The following PCDHA9 variants were observed in gnomAD, a reference collection of about 807,000 sequenced individuals.
PCDHA9 encodes the protein protocadherin alpha-9.
Under a neutral mutation model 62.0 loss-of-function variants are expected in PCDHA9, and 62 were observed. That is an observed-to-expected ratio of 1.00 (90% CI 0.81 to 1.23). The LOEUF (loss-of-function observed/expected upper bound fraction) is 1.23. PCDHA9 is among the 50% of genes most tolerant of loss of function. The pLI, the probability that PCDHA9 is intolerant of heterozygous loss-of-function variation, is 0.00. For missense variants in PCDHA9, 1,205 were observed against 1,249.8 expected, an observed-to-expected ratio of 0.96 and a Z score of 0.54; for synonymous variants, 557 against 567.6, an observed-to-expected ratio of 0.98 and a Z score of 0.27.
At chr5:140,925,932 A>G (rs1202634955) in intron 1 of PCDHA9, among the ~76,000 whole-genome samples, 1 of 150,196 alleles carries the variant, frequency 6.7e-6, no homozygotes, top group African/African-American at 2.5e-5. Flanking sequence ...TCCCAAGTAG[A>G]GCCTCTTGGA....
chr5:140,872,817 T>G (rs1316271424), intron 1 of PCDHA9, among the ~76,000 whole-genome samples: 1 of 152,214 alleles, frequency 6.6e-6, no homozygotes, highest in African/African-American at 2.4e-5. Context: ...TTTTTCAGAT[T>G]CATCTAGCAG....
chr5:140,967,831 C>T (rs2153762943), intron 1 of PCDHA9: 1 of 1,614,130 alleles, frequency 6.2e-7, no homozygotes, highest in Admixed American at 1.7e-5. Flanking sequence ...TGGTGGACAT[C>T]GTGGACGTGA....
intron 1 of PCDHA9, among the ~76,000 whole-genome samples, chr5:140,962,168 C>A (rs1207333516): frequency 1.3e-5 from 2 of 152,152 alleles, no homozygotes; most frequent in African/African-American, 4.8e-5. Flanking sequence ...AGCCACCACA[C>A]CCGGCCACTT....
intron 1 of PCDHA9, chr5:140,884,355 T>A (rs1562803326): frequency 1.9e-6 from 3 of 1,613,922 alleles, no homozygotes; most frequent in East Asian, 2.2e-5. Context: ...CTGGTGGATG[T>A]CAATGTTTAC....
At chr5:140,863,310 G>A (rs2047937786) in intron 1 of PCDHA9, 2 of 1,463,012 alleles carry the variant, frequency 1.4e-6, no homozygotes, top group Non-Finnish European at 1.9e-6. Context: ...CCATCTGCGT[G>A]GTGTCCAGCC....
chr5:140,980,699 A>G (rs1183109723), intron 2 of PCDHA9, among the ~76,000 whole-genome samples: 1 of 152,186 alleles, frequency 6.6e-6, no homozygotes, highest in African/African-American at 2.4e-5. Flanking sequence ...AAAAAAGCCA[A>G]ATGTGCTCCT....
chr5:140,934,534 GTTCTAA>G (rs1488792046), intron 1 of PCDHA9, among the ~76,000 whole-genome samples: 7 of 152,064 alleles, frequency 4.6e-5, no homozygotes, highest in Non-Finnish European at 7.4e-5. Flanking sequence ...GAGAGCTACC[GTTCTAA>G]TTCTATCATT....
intron 2 of PCDHA9, among the ~76,000 whole-genome samples, chr5:140,981,613 G>C (rs1279038280): frequency 6.6e-6 from 1 of 152,056 alleles, no homozygotes; most frequent in Non-Finnish European, 1.5e-5. Flanking sequence ...CTCTAATTTT[G>C]ATGAGGGTTT....
At chr5:140,858,045 T>A (rs2150410176) in intron 1 of PCDHA9, 2 of 1,597,338 alleles carry the variant, frequency 1.3e-6, no homozygotes, top group Non-Finnish European at 1.7e-6. Flanking sequence ...ACTGTGCTTG[T>A]GTCGCTTGTG....
intron 1 of PCDHA9, chr5:140,927,139 C>T: frequency 6.2e-7 from 1 of 1,614,046 alleles, no homozygotes; most frequent in Non-Finnish European, 8.5e-7. Context: ...GCCGGCGGAC[C>T]GCGAACAGCT....
chr5:140,852,798 T>A, intron 1 of PCDHA9: 1 of 976,860 alleles, frequency 1.0e-6, no homozygotes, highest in Non-Finnish European at 1.2e-6. Context: ...GCTACAGATG[T>A]CATTTGTCTC....
At chr5:140,887,348 G>C (rs997332881) in intron 1 of PCDHA9, among the ~76,000 whole-genome samples, 1 of 151,978 alleles carries the variant, frequency 6.6e-6, no homozygotes, top group Non-Finnish European at 1.5e-5. Flanking sequence ...CACCTGGCTC[G>C]GCCTCCCAAA....
intron 1 of PCDHA9, among the ~76,000 whole-genome samples, chr5:140,890,624 T>C (rs1487627842): frequency 6.6e-6 from 1 of 152,202 alleles, no homozygotes; most frequent in Non-Finnish European, 1.5e-5. Context: ...CCTAGAAAAT[T>C]AAGCATGTAT....
chr5:140,879,589 A>G (rs2058049274), intron 1 of PCDHA9, among the ~76,000 whole-genome samples: 1 of 152,214 alleles, frequency 6.6e-6, no homozygotes, highest in South Asian at 2.1e-4. Context: ...CAGACATTGA[A>G]AAGTGAAAAA....
rs2041804257 is a variant in PCDHA9, at chr5:140,850,751, G to A, written c.2256G>A (p.Gln752=). The part of the protein sequence containing the change: ...SSAVGSWSYS[Q]QRRQRVCSGE... ...CGGTGGGGAGTTGGTCGTACTCGCA[G>A]CAGAGGAGGCAGAGGGTGTGCTCTG... The change falls in exon 1 of 4, where the codon CAG becomes CAA. Residue 752 remains glutamine (Q), a synonymous_variant. Transcript: ENST00000532602. 6.3e-7 allele frequency: 1 copy of A among 1,597,836 alleles called. No individual in the cohort carries two copies. Among genetic ancestry groups the A allele is most frequent in the Non-Finnish European group, 8.6e-7 (1 of 1,167,590 alleles).
chr5:140,972,660 AT>A (rs11350929), intron 1 of PCDHA9, among the ~76,000 whole-genome samples: 34,850 of 117,234 alleles, frequency 0.3, 4,025 homozygotes, highest in East Asian at 0.43. Context: ...AAGAAACCAA[AT>A]TTTTTTTTTT....
chr5:140,877,074 G>A (rs1554169286), intron 1 of PCDHA9: 1 of 1,613,132 alleles, frequency 6.2e-7, no homozygotes, highest in Non-Finnish European at 8.5e-7. Flanking sequence ...TGCAGTTCCA[G>A]GTGAGCGCGC....
At position 140,856,909 on chromosome 5, in the gene PCDHA9, G is replaced by A. The variant is rs782127825; in HGVS notation, c.2394+6020G>A. 1.5e-4 allele frequency: 234 copies of A among 1,596,020 alleles called. 23 individuals carry two copies. The highest frequency in any genetic ancestry group is 1.9e-4 in the Non-Finnish European group (221 of 1,165,964). Reference sequence around the variant, plus strand: ...CATTTAGCTCTTTGGTCCCACCCACGATAAGAAGGAAATTTTGGATAAACG... The same window carrying A: ...CATTTAGCTCTTTGGTCCCACCCACAATAAGAAGGAAATTTTGGATAAACG... On this transcript the variant is annotated intron_variant, in intron 1 of 3. Coordinates refer to ENST00000532602, the MANE Select transcript of PCDHA9 (RefSeq NM_031857.2).
chr5:140,886,455 A>G (rs1554182545), intron 1 of PCDHA9, among the ~76,000 whole-genome samples: 1 of 152,186 alleles, frequency 6.6e-6, no homozygotes, highest in African/African-American at 2.4e-5. Flanking sequence ...ATTTTGTCAT[A>G]TATAAATGTT....
Sources: gnomAD v4.1 joint callset for allele counts (sites outside exome capture counted in the v4.1 genomes callset) on GRCh38, gnomAD v4.1.1 for gene constraint, MANE v1.5 for transcripts, NCBI Gene and HGNC (gene_info 2026-07-23, HGNC 2026-07-21) for gene names.